Variants in TRPM1 observed in about 807,000 individuals in gnomAD.
TRPM1 encodes TRPM1-203 APA Isoform, Intron 10.
TRPM1 carries 113 observed loss-of-function variants against 149.4 expected under a neutral mutation model. The observed-to-expected ratio is 0.76, with a 90% CI of 0.65 to 0.88. TRPM1 has a LOEUF of 0.88. Ranked by LOEUF, TRPM1 falls within the 40% of genes least tolerant of loss-of-function variation. TRPM1 has a pLI of 0.00. For synonymous variants in TRPM1, 741 were observed against 759.5 expected (o/e 0.98, Z 0.40); for missense variants, 1,976 against 2,038.7 (o/e 0.97, Z 0.59).
intron 1 of TRPM1, among the ~76,000 whole-genome samples, chr15:31,126,895 A>C (rs1379002401): frequency 6.6e-6 from 1 of 152,142 alleles, no homozygotes; most frequent in Non-Finnish European, 1.5e-5. Flanking sequence ...TGAACCCGGG[A>C]GGTGGAGGTT....
At chr15:31,055,668 T>C (rs4779813) in intron 11 of TRPM1, among the ~76,000 whole-genome samples, 83,491 of 152,028 alleles carry the variant, frequency 0.55, 25,992 homozygotes, top group East Asian at 0.94. Flanking sequence ...CCAGAGCCCA[T>C]CAGCCCTCTC....
chr15:31,047,970 A>G, intron 13 of TRPM1, 31 bp from the exon 14 acceptor site: 1 of 1,609,796 alleles, frequency 6.2e-7, no homozygotes. Context: ...TGTGTTAAAT[A>G]TGTTTTTCTT....
intron 27 of TRPM1, among the ~76,000 whole-genome samples, chr15:31,025,701 C>T (rs2032704195): frequency 6.6e-6 from 1 of 152,172 alleles, no homozygotes; most frequent in Non-Finnish European, 1.5e-5. Flanking sequence ...GAGCCTTTTC[C>T]TCTGCCCTGT....
chr15:31,033,804 C>T (rs564352741), intron 21 of TRPM1, among the ~76,000 whole-genome samples: 16 of 152,224 alleles, frequency 1.1e-4, no homozygotes, highest in Admixed American at 3.9e-4. Context: ...AAGGCCAGGA[C>T]GGCACAGCGA....
intron 27 of TRPM1, among the ~76,000 whole-genome samples, chr15:31,016,996 A>C (rs889196325): frequency 1.3e-5 from 2 of 149,322 alleles, no homozygotes; most frequent in Non-Finnish European, 1.5e-5. Flanking sequence ...CACAAAAAAA[A>C]AACTTGTTTT....
intron 4 of TRPM1, chr15:31,069,432 C>G (rs1449727140): frequency 1.1e-5 from 11 of 1,006,600 alleles, no homozygotes; most frequent in Non-Finnish European, 1.3e-5. Context: ...GATGTTGGGC[C>G]AGTGAAATAA....
At position 31,047,075 on chromosome 15, in the gene TRPM1, C is replaced by T. The variant is rs188835327; in HGVS notation, c.1764+36G>A. On this transcript the variant is annotated intron_variant, in intron 15 of 27. Transcript: ENST00000256552. ...CAAGCGAGGAACCACATGGTACTCG[C>T]GAACCACAGAACACTACACAGGCAC... 2.4e-4 allele frequency: 394 copies of T among 1,613,776 alleles called. 1 individual carries two copies. The African/African-American group carries it at 4.7e-3, about 19-fold the overall frequency.
intron 17 of TRPM1, among the ~76,000 whole-genome samples, 180 bp downstream of exon 17, chr15:31,041,771 T>G (rs1184240267): frequency 2.0e-5 from 3 of 152,150 alleles, no homozygotes; most frequent in African/African-American, 4.8e-5. Context: ...ACAACGACAG[T>G]CCAAAAACAC....
At chr15:31,112,028 T>C (rs1257498305) in intron 1 of TRPM1, among the ~76,000 whole-genome samples, 1 of 152,166 alleles carries the variant, frequency 6.6e-6, no homozygotes, top group Non-Finnish European at 1.5e-5. Context: ...GAAAAAATCT[T>C]TGGAAAAGTC....
At chr15:31,139,407 A>G (rs192405382) in intron 1 of TRPM1, among the ~76,000 whole-genome samples, 2 of 152,332 alleles carry the variant, frequency 1.3e-5, no homozygotes, top group East Asian at 3.9e-4. Context: ...GGGGAGAGAA[A>G]CTATTTGAAA....
chr15:31,104,546 G>A (rs969535875), upstream of TRPM1, among the ~76,000 whole-genome samples: 1 of 151,454 alleles, frequency 6.6e-6, no homozygotes, highest in Non-Finnish European at 1.5e-5. Context: ...TGACTGTCTA[G>A]GGCCATGATA....
intron 27 of TRPM1, among the ~76,000 whole-genome samples, chr15:31,021,295 C>T (rs1445316378): frequency 6.6e-6 from 1 of 152,188 alleles, no homozygotes; most frequent in Non-Finnish European, 1.5e-5. Flanking sequence ...CTTGTTTCTT[C>T]TAGGTAGGTC....
intron 1 of TRPM1, among the ~76,000 whole-genome samples, chr15:31,086,419 C>A (rs767908743): frequency 1.3e-5 from 2 of 152,248 alleles, no homozygotes; most frequent in Non-Finnish European, 2.9e-5. Context: ...ACACAAGCTG[C>A]GCCTTGCAGA....
At chr15:31,121,408 G>T (rs1199853987) in intron 1 of TRPM1, among the ~76,000 whole-genome samples, 2 of 152,010 alleles carry the variant, frequency 1.3e-5, no homozygotes, top group Non-Finnish European at 2.9e-5. Context: ...TCTTTGAAAA[G>T]ATCAATAAAA....
At chr15:31,089,131 A>T (rs184528232) in intron 1 of TRPM1, among the ~76,000 whole-genome samples, 2 of 152,358 alleles carry the variant, frequency 1.3e-5, no homozygotes. Flanking sequence ...TACAGTGTGG[A>T]AACTGAAGAC....
chr15:31,115,672 C>A (rs912155334), intron 1 of TRPM1, among the ~76,000 whole-genome samples: 2 of 151,756 alleles, frequency 1.3e-5, no homozygotes, highest in African/African-American at 4.8e-5. Context: ...CAGAAAAATC[C>A]CTTCCTGTTT....
intron 1 of TRPM1, among the ~76,000 whole-genome samples, chr15:31,097,292 T>C (rs2035409329): frequency 8.1e-6 from 1 of 123,492 alleles, no homozygotes; most frequent in South Asian, 2.8e-4. Context: ...CTTTGGGCCA[T>C]GGAACTGAGC....
At chr15:31,066,804 G>C (rs777592161) in intron 6 of TRPM1, among the ~76,000 whole-genome samples, 7 of 152,162 alleles carry the variant, frequency 4.6e-5, no homozygotes. Context: ...GGGTAGGAAG[G>C]AGTGAGGTAT....
intron 1 of TRPM1, among the ~76,000 whole-genome samples, chr15:31,093,777 A>AT (rs1317749936): frequency 2.0e-5 from 3 of 151,794 alleles, no homozygotes; most frequent in Non-Finnish European, 4.4e-5. Context: ...AATTTTTTTT[A>AT]TTTTTAGTAG....
Sources: allele counts gnomAD v4.1 joint callset (sites outside exome capture counted in the v4.1 genomes callset), GRCh38; gene constraint gnomAD v4.1.1; transcripts MANE v1.5; gene names NCBI Gene and HGNC (gene_info 2026-07-23, HGNC 2026-07-21).